GMEB1: variants seen among roughly 807,000 people sequenced by gnomAD.
The protein encoded by GMEB1 is glucocorticoid modulatory element binding protein 1.
A neutral mutation model predicts 52.4 loss-of-function variants in GMEB1; 6 were observed. That is an observed-to-expected ratio of 0.11 (90% CI 0.06 to 0.23). GMEB1 has a LOEUF of 0.23. Ranked by LOEUF, GMEB1 falls within the 10% of genes least tolerant of loss-of-function variation. GMEB1 has a pLI of 1.00. For missense variants in GMEB1, 486 were observed against 685.6 expected (o/e 0.71, Z 3.25); for synonymous variants, 255 against 244.9 (o/e 1.04, Z -0.38).
chr1:28,683,813 G>A, intron 2 of GMEB1, 73 bp downstream of exon 2: 1 of 1,425,092 alleles, frequency 7.0e-7, no homozygotes, highest in South Asian at 1.2e-5. Context: ...ATAACTTTAT[G>A]GTTGCTTAGC....
chr1:28,714,837 T>A lies in GMEB1; in HGVS notation c.*64T>A. 1 of 1,126,248 alleles carries A rather than the reference T, an allele frequency of 8.9e-7. No homozygotes were observed. Among genetic ancestry groups the A allele is most frequent in the Non-Finnish European group, 1.3e-6 (1 of 774,200 alleles). The allele number at this position is 1,126,248 out of a possible 1,614,324, so 69.8% of individuals were successfully genotyped here. On this transcript the variant is annotated 3_prime_UTR_variant, in exon 10 of 10. Transcript: ENST00000373816. ...AATTTTAATTATTTGTTTATTTTTA[T>A]CATTGTCCCACTCATTTCCACATAG...
At chr1:28,707,046 G>A (rs1383042476) in intron 8 of GMEB1, among the ~76,000 whole-genome samples, 2 of 139,048 alleles carry the variant, frequency 1.4e-5, no homozygotes, top group South Asian at 2.3e-4. Flanking sequence ...GCAGTGATGC[G>A]ATCTTGGCTC....
At chr1:28,669,182 C>T (rs1373256394) in intron 1 of GMEB1, among the ~76,000 whole-genome samples, 1 of 151,620 alleles carries the variant, frequency 6.6e-6, no homozygotes, top group Non-Finnish European at 1.5e-5. Context: ...CGCCCCCGGA[C>T]CGAGGGGCCC....
rs111395198 is a variant in GMEB1, at chr1:28,702,680, C to T, written c.730+111C>T. ...TACTTTCGCTGGATTTTCTCATGCA[C>T]GTAAATACTAACTATAGCTACAAAC... is the stretch of plus-strand genomic sequence containing the variant. On this transcript the variant is annotated intron_variant, in intron 7 of 9. Coordinates refer to ENST00000373816, the MANE Select transcript of GMEB1 (RefSeq NM_001319674.2). 801 of 873,478 alleles carry T rather than the reference C, an allele frequency of 9.2e-4. 2 individuals are homozygous for T. The African/African-American group carries it at 0.012, about 13-fold the overall frequency. 54.1% of individuals were successfully genotyped at this position (873,478 alleles called of 1,614,324 possible). A position where few individuals can be genotyped will look rare whatever the true frequency, so the allele number is the denominator to read the frequency against.
chr1:28,692,151 C>G (rs1278696499), intron 4 of GMEB1, among the ~76,000 whole-genome samples: 2 of 151,766 alleles, frequency 1.3e-5, no homozygotes. Flanking sequence ...GCTGGGACCA[C>G]AGGTGTGCAC....
chr1:28,674,683 C>T (rs534697021), intron 1 of GMEB1, among the ~76,000 whole-genome samples: 1 of 149,962 alleles, frequency 6.7e-6, no homozygotes, highest in East Asian at 2.0e-4. Context: ...GTGTGGGCCA[C>T]CGTGCCCGGC....
chr1:28,698,704 A>G (rs1557514297), intron 6 of GMEB1, among the ~76,000 whole-genome samples: 1 of 149,462 alleles, frequency 6.7e-6, no homozygotes, highest in South Asian at 2.1e-4. Context: ...AATGCTTTGC[A>G]GCTGTGCTTT....
chr1:28,699,119 C>A (rs1176073906), intron 6 of GMEB1, among the ~76,000 whole-genome samples: 5 of 152,022 alleles, frequency 3.3e-5, no homozygotes, highest in African/African-American at 9.7e-5. Context: ...CTCTGGATAC[C>A]CCACTGTAAT....
intron 9 of GMEB1, among the ~76,000 whole-genome samples, chr1:28,711,269 A>C (rs1671045665): frequency 6.6e-6 from 1 of 150,772 alleles, no homozygotes; most frequent in Admixed American, 6.7e-5. Flanking sequence ...CTGAGGGACA[A>C]GAACGAGACT....
In GMEB1 at chr1:28,683,720, G is replaced by A; in HGVS notation, c.108G>A (p.Gln36=). The change falls in exon 2 of 10, where the codon CAG becomes CAA. Residue 36 remains glutamine (Q), a synonymous_variant. Transcript: ENST00000373816. ...PEDTKTQVIL[Q]LQPVQQGIYE... ...ACACTAAAACCCAAGTGATTTTGCA[G>A]TTACAGCCTGTGCAACAAGGGTAAG... 1 of 1,612,158 alleles carries A rather than the reference G, an allele frequency of 6.2e-7. No homozygotes were observed. The highest frequency in any genetic ancestry group is 8.5e-7 in the Non-Finnish European group (1 of 1,179,312).
At chr1:28,694,272 C>A (rs367917868) in intron 5 of GMEB1, among the ~76,000 whole-genome samples, 3 of 149,396 alleles carry the variant, frequency 2.0e-5, no homozygotes, top group Non-Finnish European at 4.4e-5. Context: ...CTCACTGCAA[C>A]CTCTGCCTCC....
chr1:28,713,825 G>T (rs1333066248), intron 9 of GMEB1, among the ~76,000 whole-genome samples: 2 of 152,118 alleles, frequency 1.3e-5, no homozygotes, highest in South Asian at 2.1e-4. Flanking sequence ...TGGGTGGATC[G>T]CTTGAGGCCA....
intron 5 of GMEB1, among the ~76,000 whole-genome samples, chr1:28,694,388 G>T (rs1031676848): frequency 6.2e-4 from 94 of 151,272 alleles, no homozygotes; most frequent in African/African-American, 2.2e-3. Context: ...TAGAGACGGG[G>T]TTTCATCATG....
rs887262756 is a variant in GMEB1, at chr1:28,716,275, G to A, written c.*1502G>A. 6.6e-6 allele frequency: 1 copy of A among 152,214 alleles called. No homozygotes were observed. Among genetic ancestry groups the A allele is most frequent in the African/African-American group, 2.4e-5 (1 of 41,454 alleles). 9.4% of individuals were successfully genotyped at this position (152,214 alleles called of 1,614,324 possible). On this transcript the variant is annotated 3_prime_UTR_variant, in exon 10 of 10. Transcript: ENST00000373816. Reference sequence around the variant, plus strand: ...TGGCTCTGGTTCTTAGACTGTGGCTGTCACAGGGATGGGGCTCCAAGGCCA... The same window carrying A: ...TGGCTCTGGTTCTTAGACTGTGGCTATCACAGGGATGGGGCTCCAAGGCCA...
Position 28,704,376 on chromosome 1 carries a change from C to T in GMEB1, c.868+47C>T, listed in dbSNP as rs74065043. On this transcript the variant is annotated intron_variant, in intron 8 of 9. Transcript: ENST00000373816. ...GTAGCAGTGATTTATTGAATACTCACCTCCGTAGGCAGGTCCTGTAAGCCT... is the reference window on the plus strand; with the variant it reads ...GTAGCAGTGATTTATTGAATACTCATCTCCGTAGGCAGGTCCTGTAAGCCT... 693 of 1,532,266 alleles carry T rather than the reference C, an allele frequency of 4.5e-4. 2 individuals are homozygous for T. The African/African-American group carries it at 8.9e-3, about 20-fold the overall frequency. The allele number at this position is 1,532,266 out of a possible 1,614,324, so 94.9% of individuals were successfully genotyped here.
At chr1:28,692,837 TGG>T (rs1239538231) in intron 4 of GMEB1, 103 bp from the exon 5 acceptor site, 2 of 561,842 alleles carry the variant, frequency 3.6e-6, no homozygotes, top group Non-Finnish European at 3.2e-6. Flanking sequence ...GGATGTCATC[TGG>T]GTATTTTTTA....
intron 4 of GMEB1, among the ~76,000 whole-genome samples, chr1:28,692,457 G>A (rs374236011): frequency 6.6e-6 from 1 of 151,814 alleles, no homozygotes; most frequent in Admixed American, 6.6e-5. Flanking sequence ...ACTTGAACCC[G>A]GGGGCAGAGG....
intron 9 of GMEB1, among the ~76,000 whole-genome samples, chr1:28,711,276 G>C (rs1157972443): frequency 7.1e-6 from 1 of 141,790 alleles, no homozygotes; most frequent in African/African-American, 2.6e-5. Context: ...ACAAGAACGA[G>C]ACTCTGTCTC....
At chr1:28,677,386 A>G (rs1374927262) in intron 1 of GMEB1, among the ~76,000 whole-genome samples, 1 of 152,060 alleles carries the variant, frequency 6.6e-6, no homozygotes, top group African/African-American at 2.4e-5. Flanking sequence ...TGTAGCAGAG[A>G]CAGGGTTTCC....
Sources: allele counts gnomAD v4.1 joint callset (sites outside exome capture counted in the v4.1 genomes callset), GRCh38; gene constraint gnomAD v4.1.1; transcripts MANE v1.5; gene names NCBI Gene and HGNC (gene_info 2026-07-23, HGNC 2026-07-21).